The following TBC1D4 variants were observed in gnomAD, a reference collection of about 807,000 sequenced individuals.
TBC1D4 encodes the protein TBC (Tre-2, BUB2, CDC16) domain-containing protein.
Under a neutral mutation model 142.5 loss-of-function variants are expected in TBC1D4, and 121 were observed. The ratio of observed to expected loss-of-function variants is 0.85; its 90% confidence interval spans 0.73 to 0.99. TBC1D4 has a LOEUF of 0.99. Ranked by LOEUF, TBC1D4 falls within the 50% of genes least tolerant of loss-of-function variation. The pLI, the probability that TBC1D4 is intolerant of heterozygous loss-of-function variation, is 0.00. For missense variants in TBC1D4, 1,475 were observed against 1,606.6 expected (o/e 0.92, Z 1.40); for synonymous variants, 630 against 628.2 (o/e 1.00, Z -0.04).
At position 75,302,266 on chromosome 13, in the gene TBC1D4, TGCTGA is replaced by T; in HGVS notation, c.2883_2887del (p.Gln962AlafsTer30). The T allele has an allele frequency of 6.2e-7, 1 of 1,614,212 alleles. No individual in the cohort carries two copies. Among genetic ancestry groups the T allele is most frequent in the Non-Finnish European group, 8.5e-7 (1 of 1,180,024 alleles). ...ACCTAAATCCACGAGAATCGCATGC[TGCTGA>T]GCAGTGAGCTGCTTCAAAAGTTCCT... On this transcript the variant is annotated frameshift_variant, in exon 16 of 21. Transcript: ENST00000377636. LOFTEE classifies it high-confidence loss of function.
At chr13:75,360,963 T>A (rs1882452494) in intron 2 of TBC1D4, among the ~76,000 whole-genome samples, 1 of 152,188 alleles carries the variant, frequency 6.6e-6, no homozygotes, top group Admixed American at 6.5e-5. Flanking sequence ...TTAGGAAATC[T>A]TTAAAATAGG....
rs373808551 is a variant in TBC1D4 at position 75,326,304 on chromosome 13, C to T, written c.1926G>A (p.Thr642=). The T allele has an allele frequency of 1.7e-5, 28 of 1,614,130 alleles. No homozygotes were observed. The Middle Eastern group carries it at 6.6e-4, about 38-fold the overall frequency. Residue 642 remains threonine (T), a synonymous_variant, in exon 10 of 21, where the codon ACG becomes ACA. Coordinates refer to ENST00000377636, the MANE Select transcript of TBC1D4 (RefSeq NM_014832.5). ...DSPQFRRRAH[T]FSHPPSSTKR... is the part of the protein sequence containing the mutation. ...TTGTGCTTGAAGGTGGGTGGCTGAACGTGTGTGCCCGTCTTCGAAACTGCG... is the reference window on the plus strand; with the variant it reads ...TTGTGCTTGAAGGTGGGTGGCTGAATGTGTGTGCCCGTCTTCGAAACTGCG...
chr13:75,338,914 A>G (rs936716500), intron 7 of TBC1D4, among the ~76,000 whole-genome samples: 1 of 152,196 alleles, frequency 6.6e-6, no homozygotes, highest in African/African-American at 2.4e-5. Context: ...CTTCCTTTAC[A>G]GATTCTTCCA....
intron 1 of TBC1D4, among the ~76,000 whole-genome samples, chr13:75,436,397 C>A (rs1216597972): frequency 6.6e-6 from 1 of 152,050 alleles, no homozygotes; most frequent in Non-Finnish European, 1.5e-5. Flanking sequence ...TGGCTCACTC[C>A]CAAATCCCAG....
At chr13:75,457,056 A>G (rs1343565219) in intron 1 of TBC1D4, among the ~76,000 whole-genome samples, 1 of 152,142 alleles carries the variant, frequency 6.6e-6, no homozygotes, top group Non-Finnish European at 1.5e-5. Context: ...GATTCTATTT[A>G]TATAAAGTTC....
At chr13:75,407,410 G>C (rs1312471646) in intron 1 of TBC1D4, among the ~76,000 whole-genome samples, 2 of 152,292 alleles carry the variant, frequency 1.3e-5, no homozygotes, top group Admixed American at 6.5e-5. Flanking sequence ...TAGGAAGATG[G>C]CCACAGCAAT....
intron 1 of TBC1D4, among the ~76,000 whole-genome samples, chr13:75,408,198 G>A (rs550658234): frequency 6.6e-6 from 1 of 152,260 alleles, no homozygotes; most frequent in East Asian, 1.9e-4. Flanking sequence ...TATAAATGAT[G>A]TCATATTAAT....
Position 75,299,560 on chromosome 13 carries a change from T to A in TBC1D4, c.2926A>T (p.Thr976Ser), listed in dbSNP as rs768684111. The A allele has an allele frequency of 6.2e-7, 1 of 1,614,010 alleles. No individual in the cohort carries two copies. Among genetic ancestry groups the A allele is most frequent in the Non-Finnish European group, 8.5e-7 (1 of 1,179,974 alleles). Residue 976 changes from threonine to serine, a missense_variant, in exon 17 of 21, where the codon ACT (threonine) becomes TCT (serine). Thr to Ser is a moderately conservative substitution (Grantham distance 58, BLOSUM62 1). This residue lies in a region of TBC1D4 where 1,227 missense variants were observed against 1,267.7 expected (regional missense o/e 0.97). Transcript: ENST00000377636. ...ILVDLGRTFP[T>S]HPYFSVQLGP... ...AGCTGTACTGAAAAGTAAGGGTGAG[T>A]AGGAAACGTCCTTCCTGCAGAGGAA...
chr13:75,393,625 T>C lies in TBC1D4; in HGVS notation c.499-31018A>G, dbSNP rs145074783. 4.5e-4 allele frequency among the ~76,000 whole-genome samples: 69 copies of C among 152,254 alleles called. No homozygotes were observed. The East Asian group carries it at 0.013, about 29-fold the overall frequency. ...GGTTCCACATTCTTGGGGAAAAATT[T>C]TTTAAATGATATAAAAAAATCTTTG... On this transcript the variant is annotated intron_variant, in intron 1 of 20. Coordinates refer to ENST00000377636, the MANE Select transcript of TBC1D4 (RefSeq NM_014832.5).
In TBC1D4 at chr13:75,481,344, G is replaced by A. The variant is rs762698601; in HGVS notation, c.424C>T (p.Leu142=). The A allele has an allele frequency of 6.8e-6, 11 of 1,613,942 alleles. No individual in the cohort carries two copies. Among genetic ancestry groups the A allele is most frequent in the Non-Finnish European group, 9.3e-6 (11 of 1,179,844 alleles). The change falls in exon 1 of 21, where the codon CTG becomes TTG. Residue 142 remains leucine (L), a synonymous_variant. Coordinates refer to ENST00000377636, the MANE Select transcript of TBC1D4 (RefSeq NM_014832.5). ...NSHDLTYFAY[L]IKAQPDDPES... is the part of the protein sequence containing the mutation. The stretch of plus-strand genomic sequence containing the variant: ...GGGTCGTCGGGCTGCGCCTTGATCA[G>A]GTAGGCAAAGTAGGTGAGGTCGTGG...
chr13:75,400,536 C>T (rs1356069652), intron 1 of TBC1D4, among the ~76,000 whole-genome samples: 2 of 151,400 alleles, frequency 1.3e-5, no homozygotes, highest in African/African-American at 4.9e-5. Context: ...CAGCTCACTG[C>T]AACCTCCACC....
intron 16 of TBC1D4, 113 bp from the exon 17 acceptor site, chr13:75,299,687 A>G: frequency 1.5e-6 from 2 of 1,343,898 alleles, no homozygotes; most frequent in Non-Finnish European, 2.1e-6. Flanking sequence ...TTCCCAAACC[A>G]GTGAGAGTTG....
intron 1 of TBC1D4, among the ~76,000 whole-genome samples, chr13:75,465,728 G>C (rs766453741): frequency 6.6e-6 from 1 of 152,112 alleles, no homozygotes; most frequent in Non-Finnish European, 1.5e-5. Flanking sequence ...TGTAATTACT[G>C]ATAGAACAGA....
At chr13:75,328,466 G>A (rs1879460721) in intron 8 of TBC1D4, among the ~76,000 whole-genome samples, 1 of 152,080 alleles carries the variant, frequency 6.6e-6, no homozygotes, top group South Asian at 2.1e-4. Context: ...AGAGATCTAA[G>A]AGATCACCTA....
chr13:75,451,971 T>G (rs1416706975), intron 1 of TBC1D4, among the ~76,000 whole-genome samples: 1 of 152,058 alleles, frequency 6.6e-6, no homozygotes, highest in Non-Finnish European at 1.5e-5. Context: ...TTTGATGACA[T>G]CTGTAAATTA....
chr13:75,332,133 T>C (rs1178986671), intron 8 of TBC1D4, among the ~76,000 whole-genome samples: 16 of 152,194 alleles, frequency 1.1e-4, no homozygotes, highest in Admixed American at 1.0e-3. Context: ...ACTGCAAGTA[T>C]TATGCAGGAT....
chr13:75,357,262 A>G (rs1483699825), intron 3 of TBC1D4, among the ~76,000 whole-genome samples: 2 of 152,208 alleles, frequency 1.3e-5, no homozygotes, highest in East Asian at 3.8e-4. Flanking sequence ...AGAAAAAGGA[A>G]ATCAATTCCT....
At chr13:75,449,185 A>G (rs2138231685) in intron 1 of TBC1D4, among the ~76,000 whole-genome samples, 1 of 152,146 alleles carries the variant, frequency 6.6e-6, no homozygotes. Flanking sequence ...TAGGACCCCC[A>G]GTGGATGCCT....
intron 1 of TBC1D4, among the ~76,000 whole-genome samples, chr13:75,441,619 G>A (rs944895612): frequency 4.6e-5 from 7 of 152,032 alleles, no homozygotes; most frequent in African/African-American, 1.5e-4. Flanking sequence ...GCCCAGGAAC[G>A]TCTATGCACA....
Sources: gnomAD v4.1 joint callset for allele counts (sites outside exome capture counted in the v4.1 genomes callset) on GRCh38, gnomAD v4.1.1 for gene constraint, gnomAD v4.1.1 regional missense constraint, MANE v1.5 for transcripts, NCBI Gene and HGNC (gene_info 2026-07-23, HGNC 2026-07-21) for gene names.